The following SRPK2 variants were observed in gnomAD, a reference collection of about 807,000 sequenced individuals.
The protein encoded by SRPK2 is SFRS protein kinase 2.
Under a neutral mutation model 90.8 loss-of-function variants are expected in SRPK2, and 21 were observed. The observed-to-expected ratio is 0.23, with a 90% CI of 0.16 to 0.33. The LOEUF (loss-of-function observed/expected upper bound fraction) is 0.33. Among genes scored for constraint, SRPK2 ranks in the 10% least tolerant of loss-of-function variants. The pLI, the probability that SRPK2 is intolerant of heterozygous loss-of-function variation, is 1.00. For missense variants in SRPK2, 620 were observed against 869.0 expected, an observed-to-expected ratio of 0.71 and a Z score of 3.60; for synonymous variants, 288 against 311.1, an observed-to-expected ratio of 0.93 and a Z score of 0.78.
intron 11 of SRPK2, among the ~76,000 whole-genome samples, chr7:105,133,903 T>C (rs1447105236): frequency 6.6e-6 from 1 of 151,970 alleles, no homozygotes; most frequent in African/African-American, 2.4e-5. Flanking sequence ...GGCCAGATCT[T>C]CTCAAACAAG....
intron 2 of SRPK2, among the ~76,000 whole-genome samples, chr7:105,272,847 A>C (rs932499035): frequency 1.3e-5 from 2 of 152,174 alleles, no homozygotes; most frequent in African/African-American, 4.8e-5. Context: ...GATCTCAGTG[A>C]ACAGCAACAC....
Position 105,203,638 on chromosome 7 carries a change from G to T in SRPK2, c.219C>A (p.Asp73Glu). 6.6e-7 allele frequency: 1 copy of T among 1,520,052 alleles called. No homozygotes were observed. Among genetic ancestry groups the T allele is most frequent in the Non-Finnish European group, 8.8e-7 (1 of 1,139,350 alleles). 94.2% of individuals were successfully genotyped at this position (1,520,052 alleles called of 1,614,324 possible). The change falls in exon 3 of 16, where the codon GAC becomes GAA. Residue 73 changes from aspartate (D) to glutamate (E), a missense_variant. This residue lies in a region of SRPK2 where 196 missense variants were observed against 339.2 expected (regional missense o/e 0.58). Transcript: ENST00000393651. ...SDDEEQEDPADYCKGGYHPVK... is the reference protein window; with the variant it reads ...SDDEEQEDPAEYCKGGYHPVK... ...TGCTTGGCACATCACCTTTGCAGTA[G>T]TCCGCAGGGTCCTCTTGCTCCTCAT... is the stretch of plus-strand genomic sequence containing the variant.
intron 2 of SRPK2, among the ~76,000 whole-genome samples, chr7:105,222,278 T>C (rs925312390): frequency 9.9e-5 from 15 of 152,228 alleles, no homozygotes; most frequent in African/African-American, 3.6e-4. Context: ...GAATCTTTAT[T>C]GGCAGTTAAA....
chr7:105,341,860 G>A (rs550488327), intron 2 of SRPK2, among the ~76,000 whole-genome samples: 14 of 152,168 alleles, frequency 9.2e-5, no homozygotes, highest in South Asian at 6.2e-4. Flanking sequence ...CCAGCTACTC[G>A]GAACGCTGAG....
Position 105,124,175 on chromosome 7 carries a change from G to A in SRPK2, c.1915+2073C>T, listed in dbSNP as rs571634133. The stretch of plus-strand genomic sequence containing the variant: ...TCACAGGAGTGACAGCCCAAGAGCA[G>A]ATGCCTGCAACCAGCTCCATGCCTG... On this transcript the variant is annotated intron_variant, in intron 15 of 15. Coordinates refer to ENST00000393651, the MANE Select transcript of SRPK2 (RefSeq NM_182692.3). Among the ~76,000 whole-genome samples the A allele has an allele frequency of 2.0e-5, 3 of 152,292 alleles. No individual in the cohort carries two copies. In the South Asian group the frequency reaches 6.2e-4, roughly 32 times the overall value.
intron 2 of SRPK2, among the ~76,000 whole-genome samples, chr7:105,208,281 C>T (rs1796444228): frequency 6.6e-6 from 1 of 152,168 alleles, no homozygotes; most frequent in Non-Finnish European, 1.5e-5. Context: ...CCCAACAATT[C>T]CACTCCCAAG....
Position 105,179,599 on chromosome 7 carries a change from C to T in SRPK2, c.230-10334G>A, listed in dbSNP as rs927857154. Among the ~76,000 whole-genome samples the T allele has an allele frequency of 4.6e-5, 7 of 151,830 alleles. No individual in the cohort carries two copies. In the South Asian group the frequency reaches 8.3e-4, roughly 18 times the overall value. ...GAGCACTTTGGGAGGCTGAGGCAGG[C>T]GGATCCCTTGAGGTCAGGAGTTTGA... On this transcript the variant is annotated intron_variant, in intron 3 of 15. Coordinates refer to ENST00000393651, the MANE Select transcript of SRPK2 (RefSeq NM_182692.3).
At chr7:105,190,166 C>T (rs967163353) in intron 3 of SRPK2, among the ~76,000 whole-genome samples, 3 of 152,208 alleles carry the variant, frequency 2.0e-5, no homozygotes, top group Non-Finnish European at 4.4e-5. Flanking sequence ...CTGGCGACTT[C>T]CAGATCCAAA....
At chr7:105,347,163 A>C (rs975369846) in intron 2 of SRPK2, among the ~76,000 whole-genome samples, 2 of 151,956 alleles carry the variant, frequency 1.3e-5, no homozygotes, top group East Asian at 3.9e-4. Flanking sequence ...GGCTCAAGCA[A>C]TCCTCCCACC....
At chr7:105,199,756 TATAA>T (rs1400570200) in intron 3 of SRPK2, among the ~76,000 whole-genome samples, 3 of 152,224 alleles carry the variant, frequency 2.0e-5, no homozygotes, top group South Asian at 4.1e-4. Flanking sequence ...TATGTAAATA[TATAA>T]ATAAATATAA....
intron 7 of SRPK2, among the ~76,000 whole-genome samples, chr7:105,157,863 A>C (rs1806762433): frequency 6.6e-6 from 1 of 152,156 alleles, no homozygotes; most frequent in African/African-American, 2.4e-5. Context: ...TCCAGGAGAC[A>C]AAGAGACCAG....
At chr7:105,319,912 A>C (rs1337590091) in intron 2 of SRPK2, among the ~76,000 whole-genome samples, 1 of 146,784 alleles carries the variant, frequency 6.8e-6, no homozygotes, top group African/African-American at 2.5e-5. Context: ...GCTGCACTGC[A>C]GTCTCTGAAT....
At chr7:105,293,421 A>G (rs187385398) in intron 2 of SRPK2, among the ~76,000 whole-genome samples, 1 of 151,350 alleles carries the variant, frequency 6.6e-6, no homozygotes, top group African/African-American at 2.4e-5. Context: ...TAAAATCAGT[A>G]TTAGGTAGAT....
chr7:105,245,073 A>C (rs1022887917), intron 2 of SRPK2: 2 of 592,732 alleles, frequency 3.4e-6, no homozygotes, highest in South Asian at 1.8e-5. Flanking sequence ...ACACACACAC[A>C]CCTCTTTTTC....
intron 2 of SRPK2, among the ~76,000 whole-genome samples, chr7:105,231,223 T>A (rs929137012): frequency 3.9e-5 from 6 of 152,338 alleles, no homozygotes; most frequent in African/African-American, 1.4e-4. Flanking sequence ...CTAAGGGTAA[T>A]AGCCTCCAGG....
intron 2 of SRPK2, among the ~76,000 whole-genome samples, chr7:105,377,843 C>G (rs912043208): frequency 2.0e-5 from 3 of 152,174 alleles, no homozygotes; most frequent in African/African-American, 7.2e-5. Flanking sequence ...ATCCTAGAAC[C>G]CTCCCACTCT....
chr7:105,244,582 T>C, intron 2 of SRPK2: 2 of 621,166 alleles, frequency 3.2e-6, no homozygotes, highest in Admixed American at 5.3e-5. Context: ...TCAACAACAA[T>C]AAAAAAATCC....
chr7:105,299,807 T>C (rs1202943497), intron 2 of SRPK2, among the ~76,000 whole-genome samples: 2 of 152,084 alleles, frequency 1.3e-5, no homozygotes, highest in Non-Finnish European at 2.9e-5. Context: ...GGCAGGAGAA[T>C]CGCTTGAACC....
chr7:105,367,716 T>C (rs1195647658), intron 2 of SRPK2, among the ~76,000 whole-genome samples: 1 of 152,228 alleles, frequency 6.6e-6, no homozygotes, highest in Admixed American at 6.6e-5. Flanking sequence ...TGCACTTCTC[T>C]TGACTGCAAA....
Sources: gnomAD v4.1 joint callset for allele counts (sites outside exome capture counted in the v4.1 genomes callset) on GRCh38, gnomAD v4.1.1 for gene constraint, gnomAD v4.1.1 regional missense constraint, MANE v1.5 for transcripts, NCBI Gene and HGNC (gene_info 2026-07-23, HGNC 2026-07-21) for gene names.